LHFPL3: variants seen among roughly 807,000 people sequenced by gnomAD.
LHFPL3 encodes LHFPL tetraspan subfamily member 3, also known as LHFPL tetraspan subfamily member 3 protein.
A neutral mutation model predicts 19.3 loss-of-function variants in LHFPL3; 5 were observed. The observed-to-expected ratio is 0.26, with a 90% CI of 0.14 to 0.54. The LOEUF is 0.54. LHFPL3 is among the 20% of genes least tolerant of loss of function. The probability of loss-of-function intolerance (pLI) is 0.94; values close to 1 mark genes in which losing one functional copy is unlikely to be tolerated. For missense variants in LHFPL3, 249 were observed against 307.4 expected, an observed-to-expected ratio of 0.81 and a Z score of 1.42; for synonymous variants, 133 against 126.2, an observed-to-expected ratio of 1.05 and a Z score of -0.36.
At chr7:104,644,468 A>T (rs1289191764) in intron 1 of LHFPL3, among the ~76,000 whole-genome samples, 1 of 152,222 alleles carries the variant, frequency 6.6e-6, no homozygotes, top group African/African-American at 2.4e-5. Context: ...CACAGGAAAA[A>T]GCAAGGATGC....
intron 1 of LHFPL3, among the ~76,000 whole-genome samples, chr7:104,600,360 G>T (rs1790939501): frequency 6.6e-6 from 1 of 152,168 alleles, no homozygotes; most frequent in Non-Finnish European, 1.5e-5. Context: ...GGAGCAAAAG[G>T]AACAGGAATT....
At chr7:104,349,833 C>A (rs555191625) in intron 1 of LHFPL3, among the ~76,000 whole-genome samples, 5 of 152,320 alleles carry the variant, frequency 3.3e-5, no homozygotes, top group African/African-American at 4.8e-5. Context: ...TTTGCTATAA[C>A]CTTACTTTTT....
intron 1 of LHFPL3, among the ~76,000 whole-genome samples, chr7:104,636,183 C>T (rs984827441): frequency 3.9e-5 from 6 of 151,994 alleles, no homozygotes; most frequent in African/African-American, 1.5e-4. Flanking sequence ...AGAATATTCA[C>T]CTACCATAAA....
At chr7:104,613,962 C>T (rs1005650674) in intron 1 of LHFPL3, among the ~76,000 whole-genome samples, 2 of 151,820 alleles carry the variant, frequency 1.3e-5, no homozygotes, top group African/African-American at 2.4e-5. Flanking sequence ...AGGCTCCTAC[C>T]CTCCCACAGA....
intron 1 of LHFPL3, among the ~76,000 whole-genome samples, chr7:104,360,675 T>G (rs1790373453): frequency 1.2e-5 from 1 of 86,580 alleles, no homozygotes. Context: ...GTTGTTGGGT[T>G]TTTTTAAAAA....
chr7:104,784,461 C>G (rs1789872813), intron 2 of LHFPL3, among the ~76,000 whole-genome samples: 1 of 152,070 alleles, frequency 6.6e-6, no homozygotes, highest in Non-Finnish European at 1.5e-5. Context: ...GCTAATATGC[C>G]AAATAGTTAT....
At chr7:104,616,805 G>A (rs199516232) in intron 1 of LHFPL3, among the ~76,000 whole-genome samples, 25 of 151,464 alleles carry the variant, frequency 1.7e-4, no homozygotes, top group African/African-American at 5.6e-4. Flanking sequence ...CAAATTTACA[G>A]GAAAAAAAAC....
intron 1 of LHFPL3, among the ~76,000 whole-genome samples, chr7:104,430,471 T>A (rs1364338810): frequency 2.4e-5 from 1 of 41,838 alleles, no homozygotes; most frequent in African/African-American, 1.3e-4. Flanking sequence ...TTTTTTTTTT[T>A]TTTTTTTTTT....
chr7:104,564,845 C>T (rs1467276657), intron 1 of LHFPL3, among the ~76,000 whole-genome samples: 1 of 152,148 alleles, frequency 6.6e-6, no homozygotes, highest in Non-Finnish European at 1.5e-5. Flanking sequence ...TGCCGGGATT[C>T]ACATGGGGTT....
At chr7:104,771,850 T>C (rs1445153418) in intron 2 of LHFPL3, among the ~76,000 whole-genome samples, 2 of 143,388 alleles carry the variant, frequency 1.4e-5, no homozygotes, top group East Asian at 4.8e-4. Flanking sequence ...TTTGAGACGG[T>C]TTCGCTCTGT....
intron 1 of LHFPL3, among the ~76,000 whole-genome samples, chr7:104,429,522 G>A (rs1238245235): frequency 1.3e-5 from 2 of 150,906 alleles, no homozygotes; most frequent in African/African-American, 2.4e-5. Flanking sequence ...TACCATGTTG[G>A]CCAGGCTGGT....
intron 2 of LHFPL3, among the ~76,000 whole-genome samples, chr7:104,894,461 G>C (rs995038227): frequency 6.6e-6 from 1 of 152,140 alleles, no homozygotes; most frequent in Admixed American, 6.5e-5. Flanking sequence ...CTCAGAGCAT[G>C]ACCACATTCA....
intron 1 of LHFPL3, among the ~76,000 whole-genome samples, chr7:104,430,383 CATATAT>C (rs1176189742): frequency 5.0e-5 from 2 of 39,702 alleles, no homozygotes; most frequent in African/African-American, 2.8e-4. Context: ...TATATATATA[CATATAT>C]ATATATATAT....
At chr7:104,492,654 A>G (rs1793380675) in intron 1 of LHFPL3, among the ~76,000 whole-genome samples, 1 of 152,258 alleles carries the variant, frequency 6.6e-6, no homozygotes, top group Admixed American at 6.5e-5. Context: ...AAATTTTATG[A>G]AAATTTATTC....
intron 2 of LHFPL3, among the ~76,000 whole-genome samples, chr7:104,792,170 G>C (rs965425306): frequency 1.3e-5 from 2 of 152,142 alleles, no homozygotes; most frequent in East Asian, 1.9e-4. Flanking sequence ...AAAGGCAAAG[G>C]CTTGCTCCCT....
intron 2 of LHFPL3, among the ~76,000 whole-genome samples, chr7:104,883,817 C>T (rs1792097481): frequency 6.6e-6 from 1 of 152,162 alleles, no homozygotes; most frequent in African/African-American, 2.4e-5. Context: ...CTTGTTCTTG[C>T]CTGGACGCCG....
chr7:104,755,216 C>T (rs1794259751), intron 2 of LHFPL3, among the ~76,000 whole-genome samples: 1 of 152,126 alleles, frequency 6.6e-6, no homozygotes, highest in Non-Finnish European at 1.5e-5. Context: ...ACAGAATAGT[C>T]AAGCCCAGCA....
intron 1 of LHFPL3, among the ~76,000 whole-genome samples, chr7:104,488,599 C>A (rs1418388257): frequency 6.6e-6 from 1 of 152,132 alleles, no homozygotes; most frequent in Non-Finnish European, 1.5e-5. Context: ...TTATACCTAG[C>A]CTGTCATCCC....
chr7:104,739,691 T>C (rs1037167596), intron 2 of LHFPL3, among the ~76,000 whole-genome samples: 3 of 152,218 alleles, frequency 2.0e-5, no homozygotes, highest in Admixed American at 6.5e-5. Context: ...CCTTTTGGTT[T>C]CAGGGCAATG....
Sources: allele counts gnomAD v4.1 joint callset (sites outside exome capture counted in the v4.1 genomes callset), GRCh38; gene constraint gnomAD v4.1.1; transcripts MANE v1.5; gene names NCBI Gene and HGNC (gene_info 2026-07-23, HGNC 2026-07-21).